PRKG1: variants seen among roughly 807,000 people sequenced by gnomAD.
PRKG1 encodes protein kinase cGMP-dependent 1.
Under a neutral mutation model 88.1 loss-of-function variants are expected in PRKG1, and 35 were observed. That is an observed-to-expected ratio of 0.40 (90% confidence interval 0.30 to 0.53). The LOEUF is 0.53. Among genes scored for constraint, PRKG1 ranks in the 20% least tolerant of loss-of-function variants. The probability of loss-of-function intolerance (pLI) is 0.59; values close to 1 mark genes in which losing one functional copy is unlikely to be tolerated. For missense variants in PRKG1, 540 were observed against 839.8 expected, an observed-to-expected ratio of 0.64 and a Z score of 4.41; for synonymous variants, 303 against 292.5, an observed-to-expected ratio of 1.04 and a Z score of -0.37.
intron 2 of PRKG1, among the ~76,000 whole-genome samples, chr10:51,272,315 C>T (rs1053540705): frequency 1.3e-5 from 2 of 148,956 alleles, no homozygotes; most frequent in Non-Finnish European, 3.0e-5. Context: ...AATGAGAACA[C>T]GTGGACACAG....
intron 4 of PRKG1, among the ~76,000 whole-genome samples, chr10:51,809,235 G>T (rs770098976): frequency 6.6e-6 from 1 of 151,330 alleles, no homozygotes; most frequent in Non-Finnish European, 1.5e-5. Context: ...TCTCTTTTGT[G>T]CCTGTATTTC....
chr10:51,158,876 G>C (rs547098707), intron 2 of PRKG1, among the ~76,000 whole-genome samples: 126 of 151,912 alleles, frequency 8.3e-4, no homozygotes, highest in African/African-American at 3.0e-3. Context: ...TCTTTTAATG[G>C]AGCATTTGTA....
chr10:51,417,037 C>A (rs920836119), intron 2 of PRKG1, among the ~76,000 whole-genome samples: 7 of 152,166 alleles, frequency 4.6e-5, no homozygotes, highest in Non-Finnish European at 1.0e-4. Context: ...CAGTGATTCA[C>A]CACCACCTTT....
chr10:51,636,960 A>T (rs1161300522), intron 3 of PRKG1, among the ~76,000 whole-genome samples: 1 of 152,152 alleles, frequency 6.6e-6, no homozygotes, highest in Non-Finnish European at 1.5e-5. Context: ...CTTAGCAACA[A>T]ATTGGATTGG....
chr10:51,339,915 C>T (rs1259275021), intron 2 of PRKG1, among the ~76,000 whole-genome samples: 1 of 152,012 alleles, frequency 6.6e-6, no homozygotes, highest in Admixed American at 6.6e-5. Context: ...CAGATAAATT[C>T]CTAGAAGACT....
intron 2 of PRKG1, among the ~76,000 whole-genome samples, chr10:51,433,482 A>T (rs1838830665): frequency 6.6e-6 from 1 of 152,152 alleles, no homozygotes; most frequent in African/African-American, 2.4e-5. Flanking sequence ...TATGGCTGGC[A>T]TTCAATACGA....
intron 10 of PRKG1, among the ~76,000 whole-genome samples, chr10:52,265,402 A>G (rs940315843): frequency 6.6e-6 from 1 of 152,140 alleles, no homozygotes; most frequent in Non-Finnish European, 1.5e-5. Context: ...CATTTCAATT[A>G]CAGTGTAGTT....
At chr10:51,394,270 A>G (rs1257205441) in intron 2 of PRKG1, among the ~76,000 whole-genome samples, 1 of 152,226 alleles carries the variant, frequency 6.6e-6, no homozygotes, top group Non-Finnish European at 1.5e-5. Context: ...GTGGCTGATC[A>G]TGAACTCTGC....
At chr10:51,449,717 G>A (rs187160937) in intron 2 of PRKG1, among the ~76,000 whole-genome samples, 2 of 142,070 alleles carry the variant, frequency 1.4e-5, no homozygotes, top group Admixed American at 7.1e-5. Context: ...CCATCTCTTA[G>A]ATGGAAGCAC....
chr10:51,066,023 T>A (rs143837586), intron 1 of PRKG1, among the ~76,000 whole-genome samples: 79 of 152,018 alleles, frequency 5.2e-4, no homozygotes, highest in African/African-American at 1.8e-3. Flanking sequence ...GAGGCGGTAA[T>A]GGGGAAGTGA....
intron 2 of PRKG1, among the ~76,000 whole-genome samples, chr10:51,153,730 T>C (rs1397230426): frequency 6.6e-6 from 1 of 152,008 alleles, no homozygotes; most frequent in Non-Finnish European, 1.5e-5. Flanking sequence ...AATATGTGAC[T>C]AGTTTTCCTG....
Position 52,088,903 on chromosome 10 carries a change from A to G in PRKG1, c.935+26272A>G, listed in dbSNP as rs116792559. 6.8e-3 allele frequency among the ~76,000 whole-genome samples: 1,029 copies of G among 152,332 alleles called. 14 individuals are homozygous for G. Among genetic ancestry groups the G allele is most frequent in the African/African-American group, 0.024 (978 of 41,566 alleles). ...CCTCCTAATCAGAAAATCAATAATG[A>G]TGCATTACCATTCAATCCATAGATC... is the stretch of plus-strand genomic sequence containing the variant. On this transcript the variant is annotated intron_variant, in intron 7 of 17. Coordinates refer to ENST00000373980, the MANE Select transcript of PRKG1 (RefSeq NM_006258.4).
intron 2 of PRKG1, among the ~76,000 whole-genome samples, chr10:51,308,984 G>A (rs1274596485): frequency 1.3e-5 from 2 of 152,102 alleles, no homozygotes; most frequent in Non-Finnish European, 2.9e-5. Flanking sequence ...ACCAACTGCT[G>A]CTGCCCATGT....
intron 5 of PRKG1, among the ~76,000 whole-genome samples, chr10:51,952,913 G>A (rs143773635): frequency 0.017 from 2,652 of 152,268 alleles, 45 homozygotes; most frequent in Non-Finnish European, 0.025. Context: ...CAGAGCCTGG[G>A]ACAGTGTGAT....
At chr10:51,206,543 C>A (rs1838066706) in intron 2 of PRKG1, among the ~76,000 whole-genome samples, 2 of 151,572 alleles carry the variant, frequency 1.3e-5, no homozygotes, top group Admixed American at 1.3e-4. Flanking sequence ...TTTTCTTAAG[C>A]CAGAATGAAA....
At chr10:51,271,815 C>T (rs896385193) in intron 2 of PRKG1, among the ~76,000 whole-genome samples, 9 of 152,164 alleles carry the variant, frequency 5.9e-5, no homozygotes, top group Non-Finnish European at 1.2e-4. Flanking sequence ...TCCAGTCTAT[C>T]ACTGATGGGC....
intron 1 of PRKG1, among the ~76,000 whole-genome samples, chr10:51,037,881 A>G (rs1843371654): frequency 6.6e-6 from 1 of 152,162 alleles, no homozygotes. Flanking sequence ...ATGGCCTCAC[A>G]CTTTTTAAAT....
rs74132866 is a variant in PRKG1 at position 51,967,934 on chromosome 10, C to T, written c.762+60364C>T. 9.5e-3 allele frequency among the ~76,000 whole-genome samples: 1,443 copies of T among 152,264 alleles called. 27 individuals are homozygous for T. The highest frequency in any genetic ancestry group is 0.033 in the African/African-American group (1,374 of 41,560). ...TTTACCTTCCTTTGTCATCAGAATC[C>T]CACCAGCCATTCTCAGTGATTCTGT... is the stretch of plus-strand genomic sequence containing the variant. On this transcript the variant is annotated intron_variant, in intron 5 of 17. Transcript: ENST00000373980.
intron 3 of PRKG1, among the ~76,000 whole-genome samples, chr10:51,786,054 C>T (rs1838719328): frequency 6.6e-6 from 1 of 152,108 alleles, no homozygotes; most frequent in East Asian, 1.9e-4. Flanking sequence ...TCTGAAATTC[C>T]TGTAAATCTG....
Sources: allele counts gnomAD v4.1 joint callset (sites outside exome capture counted in the v4.1 genomes callset), GRCh38; gene constraint gnomAD v4.1.1; transcripts MANE v1.5; gene names NCBI Gene and HGNC (gene_info 2026-07-23, HGNC 2026-07-21).